NCOA2: variants seen among roughly 807,000 people sequenced by gnomAD.
NCOA2 encodes the protein nuclear receptor coactivator 2.
NCOA2 carries 21 observed loss-of-function variants against 145.1 expected under a neutral mutation model. The observed-to-expected ratio is 0.14, with a 90% CI of 0.10 to 0.21. NCOA2 has a LOEUF of 0.21. Among genes scored for constraint, NCOA2 ranks in the 10% least tolerant of loss-of-function variants. The probability of loss-of-function intolerance (pLI) is 1.00; values close to 1 mark genes in which losing one functional copy is unlikely to be tolerated. For missense variants in NCOA2, 1,472 were observed against 1,837.6 expected, an observed-to-expected ratio of 0.80 and a Z score of 3.64; for synonymous variants, 619 against 637.5, an observed-to-expected ratio of 0.97 and a Z score of 0.44.
the NCOA2 span, among the ~76,000 whole-genome samples, chr8:70,424,857 G>T: frequency 6.6e-6 from 1 of 152,194 alleles, no homozygotes; most frequent in Non-Finnish European, 1.5e-5. Flanking sequence ...TCCACTTGAA[G>T]ATGTACAAAC....
At chr8:70,372,946 T>A (rs1237340418) in intron 1 of NCOA2, among the ~76,000 whole-genome samples, 3 of 152,228 alleles carry the variant, frequency 2.0e-5, no homozygotes, top group African/African-American at 7.2e-5. Context: ...ATCACTAGTT[T>A]GTTCTTTTTT....
At chr8:70,139,864 G>A (rs1315825401) in intron 14 of NCOA2, among the ~76,000 whole-genome samples, 1 of 151,924 alleles carries the variant, frequency 6.6e-6, no homozygotes, top group Non-Finnish European at 1.5e-5. Context: ...TGTTGGCCAG[G>A]CTGGTCTCAA....
chr8:70,285,187 A>G (rs1826152699), intron 2 of NCOA2, among the ~76,000 whole-genome samples: 1 of 152,220 alleles, frequency 6.6e-6, no homozygotes, highest in African/African-American at 2.4e-5. Flanking sequence ...CTTCAAATAG[A>G]AAATATATCA....
At chr8:70,126,575 G>GT in intron 19 of NCOA2, 1 of 502,786 alleles carries the variant, frequency 2.0e-6, no homozygotes, top group Admixed American at 3.3e-5. Context: ...CATTCTTAAA[G>GT]TAAGACCTGC....
At chr8:70,380,615 G>A (rs1393157091) in intron 1 of NCOA2, among the ~76,000 whole-genome samples, 1 of 152,086 alleles carries the variant, frequency 6.6e-6, no homozygotes, top group African/African-American at 2.4e-5. Context: ...TAGACTATAT[G>A]CCTGTTACTG....
chr8:70,349,194 C>A (rs931250750), intron 1 of NCOA2, among the ~76,000 whole-genome samples: 1 of 151,646 alleles, frequency 6.6e-6, no homozygotes, highest in Non-Finnish European at 1.5e-5. Flanking sequence ...TAAAATGTGA[C>A]GTCAAGAAAA....
intron 2 of NCOA2, among the ~76,000 whole-genome samples, chr8:70,249,635 C>T (rs1468512476): frequency 1.3e-5 from 2 of 152,036 alleles, no homozygotes; most frequent in African/African-American, 4.8e-5. Context: ...AGTTTGATAT[C>T]ATGTTCAGCA....
chr8:70,249,974 A>AT (rs1235094075), intron 2 of NCOA2, among the ~76,000 whole-genome samples: 1 of 145,484 alleles, frequency 6.9e-6, no homozygotes, highest in Non-Finnish European at 1.5e-5. Flanking sequence ...AAAAAAAAAA[A>AT]AAAAAGAAGA....
At chr8:70,310,307 G>A (rs532027870) in intron 1 of NCOA2, among the ~76,000 whole-genome samples, 2 of 138,794 alleles carry the variant, frequency 1.4e-5, no homozygotes, top group South Asian at 4.6e-4. Context: ...TCACACCACT[G>A]CACTCCAGCC....
At chr8:70,429,862 T>TGG in the NCOA2 span, among the ~76,000 whole-genome samples, 1 of 152,018 alleles carries the variant, frequency 6.6e-6, no homozygotes, top group East Asian at 1.9e-4. Flanking sequence ...TTTGTGTGTG[T>TGG]GGGGTTTTTG....
intron 6 of NCOA2, among the ~76,000 whole-genome samples, chr8:70,169,958 T>C (rs1415526393): frequency 6.6e-6 from 1 of 152,132 alleles, no homozygotes; most frequent in Non-Finnish European, 1.5e-5. Flanking sequence ...GCAATGATTT[T>C]CACGTACTTT....
intron 2 of NCOA2, among the ~76,000 whole-genome samples, chr8:70,230,232 A>G (rs1346299731): frequency 1.3e-5 from 2 of 152,168 alleles, no homozygotes; most frequent in Non-Finnish European, 2.9e-5. Flanking sequence ...AAAAGGCCAC[A>G]TATTGTATGG....
At chr8:70,274,220 A>C (rs1825297849) in intron 2 of NCOA2, among the ~76,000 whole-genome samples, 2 of 152,126 alleles carry the variant, frequency 1.3e-5, no homozygotes, top group African/African-American at 4.8e-5. Context: ...AAAAAAAAAA[A>C]AACCTTACAT....
intron 1 of NCOA2, among the ~76,000 whole-genome samples, chr8:70,371,132 C>CA (rs1465898116): frequency 1.3e-5 from 2 of 151,670 alleles, no homozygotes; most frequent in East Asian, 1.9e-4. Context: ...ACTAAAAATA[C>CA]AAAAAAATCA....
At chr8:70,158,780 A>G (rs1812559800) in intron 10 of NCOA2, among the ~76,000 whole-genome samples, 1 of 152,156 alleles carries the variant, frequency 6.6e-6, no homozygotes, top group Admixed American at 6.5e-5. Flanking sequence ...AAACAAAACA[A>G]AAAAACCAAA....
At chr8:70,174,526 GTCTAC>G (rs1336023380) in intron 5 of NCOA2, among the ~76,000 whole-genome samples, 23 of 152,152 alleles carry the variant, frequency 1.5e-4, no homozygotes, top group Non-Finnish European at 2.9e-4. Flanking sequence ...ACTTGTCAAT[GTCTAC>G]TCTAATCTAG....
chr8:70,333,904 C>A (rs756551488), intron 1 of NCOA2, among the ~76,000 whole-genome samples: 8 of 151,798 alleles, frequency 5.3e-5, no homozygotes, highest in Non-Finnish European at 7.4e-5. Flanking sequence ...GTTAATTTCC[C>A]TCCTTCCTTC....
chr8:70,437,592 T>C, the NCOA2 span, among the ~76,000 whole-genome samples: 4 of 152,232 alleles, frequency 2.6e-5, no homozygotes, highest in Non-Finnish European at 4.4e-5. Flanking sequence ...TGGTAAAATT[T>C]AAAAATGGCT....
chr8:70,404,544 A>G (rs185353467), upstream of NCOA2, among the ~76,000 whole-genome samples: 1 of 152,342 alleles, frequency 6.6e-6, no homozygotes, highest in East Asian at 1.9e-4. Flanking sequence ...CGGCTCCAAC[A>G]GGGAGAGGCT....
Sources: allele counts gnomAD v4.1 joint callset (sites outside exome capture counted in the v4.1 genomes callset), GRCh38; gene constraint gnomAD v4.1.1; transcripts MANE v1.5; gene names NCBI Gene and HGNC (gene_info 2026-07-23, HGNC 2026-07-21).